RNF111: variants seen among roughly 807,000 people sequenced by gnomAD.
RNF111 encodes the protein ring finger protein 111.
A neutral mutation model predicts 95.1 loss-of-function variants in RNF111; 17 were observed. The ratio of observed to expected loss-of-function variants is 0.18; its 90% CI spans 0.12 to 0.27. The LOEUF (loss-of-function observed/expected upper bound fraction) is 0.27, where lower values mean the gene tolerates loss of function less well. Ranked by LOEUF, RNF111 falls within the 10% of genes least tolerant of loss-of-function variation. The pLI is 1.00. For synonymous variants in RNF111, 440 were observed against 414.8 expected (o/e 1.06, Z -0.74); for missense variants, 1,189 against 1,210.4 (o/e 0.98, Z 0.26).
chr15:59,057,239 T>C (rs555365322), intron 4 of RNF111, among the ~76,000 whole-genome samples: 3 of 152,324 alleles, frequency 2.0e-5, no homozygotes, highest in South Asian at 4.1e-4. Context: ...AACAAAAAAT[T>C]GTCTAGCCCA....
At chr15:59,065,362 G>C (rs2042610908) in intron 5 of RNF111, among the ~76,000 whole-genome samples, 1 of 152,200 alleles carries the variant, frequency 6.6e-6, no homozygotes. Flanking sequence ...TACTTTTGCA[G>C]TTCTTCTGCC....
intron 6 of RNF111, among the ~76,000 whole-genome samples, chr15:59,071,690 CAAAA>C (rs1208515921): frequency 4.2e-5 from 5 of 119,638 alleles, no homozygotes; most frequent in African/African-American, 1.3e-4. Flanking sequence ...GATCCTGTCG[CAAAA>C]AAAAAAAAAA....
chr15:59,023,001 C>G (rs562515456), intron 1 of RNF111, among the ~76,000 whole-genome samples: 63 of 152,190 alleles, frequency 4.1e-4, no homozygotes, highest in Non-Finnish European at 7.6e-4. Context: ...AATCCCAGCA[C>G]TTTGGGAGGC....
chr15:59,020,127 A>G (rs1451972776), intron 1 of RNF111, among the ~76,000 whole-genome samples: 2 of 148,494 alleles, frequency 1.3e-5, no homozygotes, highest in Non-Finnish European at 3.0e-5. Context: ...TATATAAAAT[A>G]CATATTTTAT....
At chr15:59,012,313 C>G (rs898449809) in intron 1 of RNF111, among the ~76,000 whole-genome samples, 3 of 152,160 alleles carry the variant, frequency 2.0e-5, no homozygotes, top group African/African-American at 7.2e-5. Flanking sequence ...GCCACTGCAC[C>G]TGGCCTGCTG....
chr15:59,058,256 T>C, intron 4 of RNF111, 100 bp from the exon 5 acceptor site: 1 of 975,106 alleles, frequency 1.0e-6, no homozygotes, highest in Non-Finnish European at 1.5e-6. Flanking sequence ...ATTTTTAAAG[T>C]TTTTTTATTT....
chr15:58,989,752 C>T (rs761108433), intron 1 of RNF111, among the ~76,000 whole-genome samples: 1 of 152,158 alleles, frequency 6.6e-6, no homozygotes, highest in Non-Finnish European at 1.5e-5. Context: ...GAGAAAAGCA[C>T]CTTGCTTGTA....
chr15:59,081,972 G>T (rs2078758053), intron 8 of RNF111, among the ~76,000 whole-genome samples: 1 of 152,186 alleles, frequency 6.6e-6, no homozygotes, highest in African/African-American at 2.4e-5. Context: ...CTGGAGTGCA[G>T]TGGTGCAACC....
chr15:59,061,009 C>A (rs182148395), intron 5 of RNF111, among the ~76,000 whole-genome samples: 213 of 152,124 alleles, frequency 1.4e-3, no homozygotes, highest in African/African-American at 4.5e-3. Context: ...GTTGCCCACA[C>A]TGGCCTCAGT....
rs1596056355 is a variant in RNF111, at chr15:59,006,623, G to A, written c.-20+18555G>A. ...GCTATTTTTTTGCTTTACATTTCTAGCCATCTATTTGTTCCTCCAACCGTC... is the reference window on the plus strand; with the variant it reads ...GCTATTTTTTTGCTTTACATTTCTAACCATCTATTTGTTCCTCCAACCGTC... On this transcript the variant is annotated intron_variant, in intron 1 of 13. Coordinates refer to ENST00000348370, the MANE Select transcript of RNF111 (RefSeq NM_017610.8). Among the ~76,000 whole-genome samples, 3 of 152,072 alleles carry A rather than the reference G, an allele frequency of 2.0e-5. No homozygotes were observed. In the South Asian group the frequency reaches 6.2e-4, roughly 32 times the overall value.
At chr15:59,021,219 C>T (rs1006440887) in intron 1 of RNF111, among the ~76,000 whole-genome samples, 8 of 152,130 alleles carry the variant, frequency 5.3e-5, no homozygotes, top group Non-Finnish European at 7.3e-5. Context: ...GATGCGATCT[C>T]GGCTCACTGC....
rs368598719 is a variant in RNF111 at position 59,031,106 on chromosome 15, G to T, written c.284G>T (p.Arg95Leu). ...QEKSLVVRKK[R>L]KSQQAGPSYV... The stretch of plus-strand genomic sequence containing the variant: ...AAAAGTCTCGTTGTGAGGAAAAAAC[G>T]CAAAAGCCAGCAGGCTGGCCCTTCG... The change falls in exon 2 of 14, where the codon CGC (arginine) becomes CTC (leucine). Residue 95 changes from arginine (R) to leucine (L), a missense_variant. Around this residue, in one of 2 missense-constraint regions of RNF111, gnomAD observed 1,024 missense variants for 925.9 expected, o/e 1.11. Transcript: ENST00000348370. The T allele has an allele frequency of 1.9e-6, 3 of 1,614,046 alleles. No individual in the cohort carries two copies. The highest frequency in any genetic ancestry group is 4.5e-5 in the East Asian group (2 of 44,902).
intron 2 of RNF111, among the ~76,000 whole-genome samples, chr15:59,046,069 G>A (rs540475487): frequency 3.4e-4 from 52 of 151,886 alleles, no homozygotes; most frequent in African/African-American, 1.1e-3. Context: ...ATAACATTTC[G>A]CAAATATTCC....
At chr15:59,030,774 A>G (rs1729988022) in intron 1 of RNF111, 30 bp from the exon 2 acceptor site, 2 of 1,444,014 alleles carry the variant, frequency 1.4e-6, no homozygotes, top group Non-Finnish European at 1.9e-6. Context: ...CACATTAAAA[A>G]TCTTTTAAAT....
At chr15:59,032,555 G>A (rs1196693603) in intron 2 of RNF111, among the ~76,000 whole-genome samples, 2 of 152,084 alleles carry the variant, frequency 1.3e-5, no homozygotes, top group Non-Finnish European at 2.9e-5. Flanking sequence ...TCAAGTAGCT[G>A]GGACTACAGG....
At chr15:59,072,238 A>G (rs1425424923) in intron 6 of RNF111, among the ~76,000 whole-genome samples, 1 of 152,146 alleles carries the variant, frequency 6.6e-6, no homozygotes, top group African/African-American at 2.4e-5. Context: ...GAAGTAAGAT[A>G]ACAATGAAGT....
rs77949022 is a variant in RNF111 at position 59,011,524 on chromosome 15, C to T, written c.-19-19280C>T. Among the ~76,000 whole-genome samples the T allele has an allele frequency of 2.2e-4, 33 of 152,302 alleles. No homozygotes were observed. The East Asian group carries it at 5.0e-3, about 23-fold the overall frequency. ...CTTAAACCACAAAACTTTACTTACT[C>T]CTAGTTCTGTAGAGTGTAAGTCCAG... On this transcript the variant is annotated intron_variant, in intron 1 of 13. Transcript: ENST00000348370.
intron 8 of RNF111, among the ~76,000 whole-genome samples, chr15:59,083,411 A>T (rs1289405503): frequency 1.3e-5 from 2 of 151,888 alleles, no homozygotes; most frequent in East Asian, 3.9e-4. Context: ...GGTGGCATGC[A>T]CCTGTAGTCC....
At position 59,020,209 on chromosome 15, in the gene RNF111, T is replaced by G. The variant is rs1596101625; in HGVS notation, c.-19-10595T>G. ...ACTATATATTTTGTAAGATACTTAATTCTATATACAATAAAGATAATATGT... is the reference window on the plus strand; with the variant it reads ...ACTATATATTTTGTAAGATACTTAAGTCTATATACAATAAAGATAATATGT... On this transcript the variant is annotated intron_variant, in intron 1 of 13. Transcript: ENST00000348370. Among the ~76,000 whole-genome samples the G allele has an allele frequency of 2.0e-5, 3 of 149,516 alleles. No individual in the cohort carries two copies. In the East Asian group the frequency reaches 5.8e-4, roughly 29 times the overall value.
Sources: allele counts gnomAD v4.1 joint callset (sites outside exome capture counted in the v4.1 genomes callset), GRCh38; gene constraint gnomAD v4.1.1; regional missense constraint gnomAD v4.1.1; transcripts MANE v1.5; gene names NCBI Gene and HGNC (gene_info 2026-07-23, HGNC 2026-07-21).